XYLT1: variants seen among roughly 807,000 people sequenced by gnomAD.
XYLT1 encodes xylosyltransferase 1.
A neutral mutation model predicts 91.3 loss-of-function variants in XYLT1; 36 were observed. That is an observed-to-expected ratio of 0.39 (90% CI 0.30 to 0.52). XYLT1 has a LOEUF of 0.52. XYLT1 is among the 20% of genes least tolerant of loss of function. The pLI, the probability that XYLT1 is intolerant of heterozygous loss-of-function variation, is 0.68. For synonymous variants in XYLT1, 588 were observed against 532.0 expected, an observed-to-expected ratio of 1.11 and a Z score of -1.45; for missense variants, 1,242 against 1,284.5, an observed-to-expected ratio of 0.97 and a Z score of 0.51.
chr16:17,276,889 C>A (rs2033985235), intron 2 of XYLT1, among the ~76,000 whole-genome samples: 1 of 152,188 alleles, frequency 6.6e-6, no homozygotes, highest in Non-Finnish European at 1.5e-5. Flanking sequence ...CCTCGCAGGG[C>A]TAAAAAGATA....
chr16:17,162,320 G>A (rs527865609), intron 5 of XYLT1, among the ~76,000 whole-genome samples: 41 of 150,720 alleles, frequency 2.7e-4, no homozygotes, highest in Non-Finnish European at 5.6e-4. Context: ...TGAGGCTGGA[G>A]AATTGCTTGA....
intron 2 of XYLT1, among the ~76,000 whole-genome samples, chr16:17,352,137 G>T (rs143702191): frequency 3.3e-5 from 5 of 152,230 alleles, no homozygotes; most frequent in Non-Finnish European, 7.4e-5. Context: ...AAAAAGAAAA[G>T]GAAAAAGTCT....
At chr16:17,328,803 C>T (rs1277074972) in intron 2 of XYLT1, among the ~76,000 whole-genome samples, 2 of 152,032 alleles carry the variant, frequency 1.3e-5, no homozygotes, top group African/African-American at 4.8e-5. Flanking sequence ...ATTCAGCGTA[C>T]TCTATTTGAG....
Position 17,117,390 on chromosome 16 carries a change from T to C in XYLT1, c.2557+256A>G, listed in dbSNP as rs4780714. Among the ~76,000 whole-genome samples the C allele has an allele frequency of 0.95, 145,147 of 152,214 alleles. 69,264 individuals are homozygous for C. Among genetic ancestry groups the C allele is most frequent in the Middle Eastern group, 0.98 (288 of 294 alleles). ...ATCTTGTCTTCAATATGATCTAGGC[T>C]TTCTGGAAGTTGAATGGGGGAGCGT... On this transcript the variant is annotated intron_variant, in intron 11 of 11. Coordinates refer to ENST00000261381, the MANE Select transcript of XYLT1 (RefSeq NM_022166.4).
intron 5 of XYLT1, among the ~76,000 whole-genome samples, chr16:17,164,065 A>AAG (rs2031621338): frequency 6.8e-6 from 1 of 146,448 alleles, no homozygotes; most frequent in Non-Finnish European, 1.5e-5. Flanking sequence ...AAAAAAAAAA[A>AAG]AAAAGAAAGA....
At chr16:17,109,106 G>T in intron 11 of XYLT1, 89 bp from the exon 12 acceptor site, 1 of 1,301,280 alleles carries the variant, frequency 7.7e-7, no homozygotes, top group Non-Finnish European at 1.0e-6. Context: ...GCTGCACTGG[G>T]TGCCATGCAT....
chr16:17,278,299 CTCTT>C (rs1291586794), intron 2 of XYLT1, among the ~76,000 whole-genome samples: 1 of 152,186 alleles, frequency 6.6e-6, no homozygotes. Flanking sequence ...CACTAGATGG[CTCTT>C]TCTGTGAAAT....
At chr16:17,332,569 C>CGCAT (rs2034915229) in intron 2 of XYLT1, among the ~76,000 whole-genome samples, 1 of 41,892 alleles carries the variant, frequency 2.4e-5, no homozygotes, top group East Asian at 2.2e-3. Context: ...CACACACATA[C>CGCAT]ACACACACAC....
At chr16:17,426,296 A>G (rs142445515) in intron 1 of XYLT1, among the ~76,000 whole-genome samples, 61 of 152,300 alleles carry the variant, frequency 4.0e-4, no homozygotes, top group African/African-American at 1.4e-3. Context: ...ACGGTGGCTC[A>G]TACCTGTAAT....
At chr16:17,189,107 G>A (rs1373158758) in intron 5 of XYLT1, among the ~76,000 whole-genome samples, 2 of 152,196 alleles carry the variant, frequency 1.3e-5, no homozygotes, top group African/African-American at 4.8e-5. Context: ...GAGTAGAGAA[G>A]TATCTTCACT....
intron 1 of XYLT1, among the ~76,000 whole-genome samples, chr16:17,391,450 A>G (rs2035818104): frequency 6.6e-6 from 1 of 151,696 alleles, no homozygotes; most frequent in Non-Finnish European, 1.5e-5. Context: ...GAATCATAAA[A>G]CTCCAGTCTC....
chr16:17,128,025 CT>C (rs1383665873), intron 9 of XYLT1, among the ~76,000 whole-genome samples, 164 bp from the exon 10 acceptor site: 1 of 152,166 alleles, frequency 6.6e-6, no homozygotes, highest in African/African-American at 2.4e-5. Context: ...ACTATGAATA[CT>C]TTTTTCTTCT....
At chr16:17,338,731 CCCA>C (rs964433206) in intron 2 of XYLT1, among the ~76,000 whole-genome samples, 5 of 152,098 alleles carry the variant, frequency 3.3e-5, no homozygotes, top group African/African-American at 7.2e-5. Context: ...ACTACAGGTG[CCCA>C]CCACCACAAC....
intron 5 of XYLT1, among the ~76,000 whole-genome samples, chr16:17,160,401 C>T (rs2031519540): frequency 6.6e-6 from 1 of 152,178 alleles, no homozygotes; most frequent in Non-Finnish European, 1.5e-5. Context: ...TCTGCAGTCT[C>T]GCCACTCCAA....
chr16:17,244,626 C>T (rs1053741995), intron 3 of XYLT1, among the ~76,000 whole-genome samples: 1 of 152,124 alleles, frequency 6.6e-6, no homozygotes. Flanking sequence ...GAATTAAGCT[C>T]GAATGTCCTG....
intron 3 of XYLT1, among the ~76,000 whole-genome samples, chr16:17,242,509 T>C (rs1005814874): frequency 6.6e-6 from 1 of 152,196 alleles, no homozygotes; most frequent in African/African-American, 2.4e-5. Context: ...AGCCTCACTC[T>C]GCAGGAGAAT....
intron 2 of XYLT1, among the ~76,000 whole-genome samples, chr16:17,353,258 CGGCAAAAG>C (rs2035245505): frequency 6.6e-6 from 1 of 152,158 alleles, no homozygotes; most frequent in Non-Finnish European, 1.5e-5. Context: ...AATCTTGACT[CGGCAAAAG>C]AGCTCCTTTA....
intron 9 of XYLT1, among the ~76,000 whole-genome samples, chr16:17,131,313 A>G (rs1013328158): frequency 1.3e-5 from 2 of 152,266 alleles, no homozygotes; most frequent in African/African-American, 4.8e-5. Context: ...ACAGAAAAAT[A>G]ATCAAGATGC....
intron 6 of XYLT1, among the ~76,000 whole-genome samples, chr16:17,152,951 C>T (rs1280018040): frequency 2.0e-5 from 3 of 152,196 alleles, no homozygotes; most frequent in South Asian, 2.1e-4. Flanking sequence ...CAATACCTAA[C>T]TTTCATCACA....
Sources: allele counts gnomAD v4.1 joint callset (sites outside exome capture counted in the v4.1 genomes callset), GRCh38; gene constraint gnomAD v4.1.1; transcripts MANE v1.5; gene names NCBI Gene and HGNC (gene_info 2026-07-23, HGNC 2026-07-21).